The following RGL1 variants were observed in gnomAD, a reference collection of about 807,000 sequenced individuals.
RGL1 encodes ral guanine nucleotide dissociation stimulator like 1, also known as ral guanine nucleotide dissociation stimulator-like 1.
A neutral mutation model predicts 95.2 loss-of-function variants in RGL1; 24 were observed. The ratio of observed to expected loss-of-function variants is 0.25; its 90% confidence interval spans 0.18 to 0.35. The LOEUF is 0.35. RGL1 is among the 10% of genes least tolerant of loss of function. The pLI is 1.00. For synonymous variants in RGL1, 329 were observed against 344.9 expected (o/e 0.95, Z 0.51); for missense variants, 715 against 936.3 (o/e 0.76, Z 3.08).
intron 1 of RGL1, among the ~76,000 whole-genome samples, chr1:183,739,642 A>G (rs1016691558): frequency 1.3e-5 from 2 of 152,218 alleles, no homozygotes; most frequent in African/African-American, 4.8e-5. Context: ...GGATGAGTGA[A>G]AAAGACTTCA....
At chr1:183,695,171 A>C (rs756259519) in intron 1 of RGL1, among the ~76,000 whole-genome samples, 2 of 152,252 alleles carry the variant, frequency 1.3e-5, no homozygotes, top group Non-Finnish European at 2.9e-5. Flanking sequence ...AAAAGCTTCC[A>C]GGAAAGCATC....
chr1:183,830,194 T>C (rs1032546048), intron 2 of RGL1, among the ~76,000 whole-genome samples: 8 of 152,320 alleles, frequency 5.3e-5, no homozygotes, highest in African/African-American at 1.9e-4. Flanking sequence ...AAAGTGGCAA[T>C]GCGCCTAACT....
chr1:183,661,335 A>G (rs1327315938), intron 1 of RGL1, among the ~76,000 whole-genome samples: 1 of 152,234 alleles, frequency 6.6e-6, no homozygotes, highest in Admixed American at 6.5e-5. Flanking sequence ...AAGAAAAGAG[A>G]GAAGAATCAA....
intron 9 of RGL1, among the ~76,000 whole-genome samples, chr1:183,894,961 C>A (rs1452299391): frequency 1.3e-5 from 2 of 152,178 alleles, no homozygotes; most frequent in East Asian, 3.8e-4. Context: ...TAATTCTAAG[C>A]AGGTGAATTA....
intron 1 of RGL1, among the ~76,000 whole-genome samples, chr1:183,683,746 A>T (rs957363528): frequency 6.6e-6 from 1 of 152,214 alleles, no homozygotes; most frequent in South Asian, 2.1e-4. Context: ...CCTGGCTAAT[A>T]TCCTGAAGAG....
chr1:183,889,139 G>C (rs1393843816), intron 8 of RGL1, among the ~76,000 whole-genome samples: 1 of 152,068 alleles, frequency 6.6e-6, no homozygotes, highest in Non-Finnish European at 1.5e-5. Flanking sequence ...GCAACCGTTG[G>C]AATAATTAAC....
intron 4 of RGL1, among the ~76,000 whole-genome samples, chr1:183,873,257 T>C (rs1666288381): frequency 6.6e-6 from 1 of 152,202 alleles, no homozygotes; most frequent in African/African-American, 2.4e-5. Context: ...GACTGTATTG[T>C]TTGATTCCCT....
chr1:183,728,472 C>G (rs895378943), intron 1 of RGL1, among the ~76,000 whole-genome samples: 14 of 152,048 alleles, frequency 9.2e-5, no homozygotes, highest in Non-Finnish European at 2.1e-4. Flanking sequence ...TATGTTAAAA[C>G]CCCTACCCTG....
chr1:183,898,131 G>T (rs1667806557), intron 10 of RGL1, among the ~76,000 whole-genome samples: 1 of 152,170 alleles, frequency 6.6e-6, no homozygotes, highest in Non-Finnish European at 1.5e-5. Flanking sequence ...CTGTTTTCTG[G>T]CAAAGTTGTT....
chr1:183,767,956 GA>G (rs34733204), intron 2 of RGL1, among the ~76,000 whole-genome samples: 3 of 150,368 alleles, frequency 2.0e-5, no homozygotes, highest in Non-Finnish European at 4.4e-5. Context: ...CCGTCTCAAA[GA>G]AAAAAAAAAT....
chr1:183,768,089 A>G (rs1301290939), intron 2 of RGL1, among the ~76,000 whole-genome samples: 2 of 152,184 alleles, frequency 1.3e-5, no homozygotes, highest in Admixed American at 1.3e-4. Context: ...GTTTTAAAGA[A>G]TATTTTACTG....
chr1:183,840,498 TGA>T (rs1663975820), intron 2 of RGL1, among the ~76,000 whole-genome samples: 1 of 152,090 alleles, frequency 6.6e-6, no homozygotes, highest in African/African-American at 2.4e-5. Context: ...AGCGTTTTCA[TGA>T]CTTTTTTAAT....
intron 7 of RGL1, among the ~76,000 whole-genome samples, chr1:183,886,395 G>T (rs760097646): frequency 6.6e-6 from 1 of 151,988 alleles, no homozygotes; most frequent in Non-Finnish European, 1.5e-5. Flanking sequence ...GAATGATAAG[G>T]AATTATTTTT....
At chr1:183,705,270 T>C (rs950121109) in intron 1 of RGL1, among the ~76,000 whole-genome samples, 11 of 152,086 alleles carry the variant, frequency 7.2e-5, no homozygotes, top group African/African-American at 2.7e-4. Flanking sequence ...ATGCCATCGG[T>C]TGTGAGCCCT....
intron 17 of RGL1, 69 bp downstream of exon 17, chr1:183,922,405 C>A: frequency 8.7e-7 from 1 of 1,153,090 alleles, no homozygotes; most frequent in Non-Finnish European, 1.3e-6. Flanking sequence ...CACAGTGCTC[C>A]GCGTTTAGAA....
chr1:183,839,141 C>T (rs1208482168), intron 2 of RGL1, among the ~76,000 whole-genome samples: 1 of 152,202 alleles, frequency 6.6e-6, no homozygotes, highest in Non-Finnish European at 1.5e-5. Context: ...ACTCTTGGAA[C>T]CAGCTTAATT....
At chr1:183,833,275 T>C (rs1368282685) in intron 2 of RGL1, among the ~76,000 whole-genome samples, 2 of 152,230 alleles carry the variant, frequency 1.3e-5, no homozygotes, top group Admixed American at 1.3e-4. Flanking sequence ...AGAGGCCAGA[T>C]GACTTTATCC....
intron 13 of RGL1, among the ~76,000 whole-genome samples, chr1:183,905,865 G>A (rs6677805): frequency 0.6 from 90,678 of 152,082 alleles, 27,117 homozygotes; most frequent in African/African-American, 0.62. Flanking sequence ...TTGAAATTCA[G>A]ATTTCAGTAT....
chr1:183,659,096 A>G (rs1364708282), intron 1 of RGL1, among the ~76,000 whole-genome samples: 1 of 152,108 alleles, frequency 6.6e-6, no homozygotes, highest in East Asian at 1.9e-4. Flanking sequence ...ATAAAACCAC[A>G]AAGATGGGGA....
Sources: gnomAD v4.1 joint callset for allele counts (sites outside exome capture counted in the v4.1 genomes callset) on GRCh38, gnomAD v4.1.1 for gene constraint, MANE v1.5 for transcripts, NCBI Gene and HGNC (gene_info 2026-07-23, HGNC 2026-07-21) for gene names.